PRKAG2: variants seen among roughly 807,000 people sequenced by gnomAD.
PRKAG2 encodes 5'-AMP-activated protein kinase subunit gamma-2.
Under a neutral mutation model 69.6 loss-of-function variants are expected in PRKAG2, and 26 were observed. The ratio of observed to expected loss-of-function variants is 0.37; its 90% confidence interval spans 0.27 to 0.52. The LOEUF is 0.52. PRKAG2 is among the 20% of genes least tolerant of loss of function. The pLI is 0.90. For missense variants in PRKAG2, 557 were observed against 740.0 expected, an observed-to-expected ratio of 0.75 and a Z score of 2.87; for synonymous variants, 293 against 285.0, an observed-to-expected ratio of 1.03 and a Z score of -0.28.
At chr7:151,848,226 G>A (rs1042225353) in intron 1 of PRKAG2, among the ~76,000 whole-genome samples, 3 of 152,178 alleles carry the variant, frequency 2.0e-5, no homozygotes, top group South Asian at 2.1e-4. Flanking sequence ...GGGCTTGGGG[G>A]TGGTTAGGTC....
intron 3 of PRKAG2, among the ~76,000 whole-genome samples, chr7:151,737,475 GA>G (rs1404770196): frequency 6.6e-5 from 10 of 152,284 alleles, no homozygotes; most frequent in African/African-American, 2.4e-4. Flanking sequence ...CCGAGCTAAA[GA>G]TTAGTAGCCT....
chr7:151,830,796 G>T (rs1041853428), intron 1 of PRKAG2, among the ~76,000 whole-genome samples: 3 of 146,210 alleles, frequency 2.1e-5, no homozygotes, highest in Admixed American at 6.8e-5. Flanking sequence ...GCGGGGGGGG[G>T]TTGTGATGAG....
At chr7:151,855,061 A>ACCC (rs2079685249) in intron 1 of PRKAG2, among the ~76,000 whole-genome samples, 3 of 37,262 alleles carry the variant, frequency 8.1e-5, no homozygotes, top group African/African-American at 2.0e-4. Flanking sequence ...CACACACACC[A>ACCC]TCCTCCACAC....
Position 151,732,719 on chromosome 7 carries a change from TCTCA to T in PRKAG2, c.466+48429_466+48432del, listed in dbSNP as rs577752073. Among the ~76,000 whole-genome samples, 4 of 151,728 alleles carry T rather than the reference TCTCA, an allele frequency of 2.6e-5. 1 individual carries two copies. The South Asian group carries it at 8.4e-4, about 32-fold the overall frequency. On this transcript the variant is annotated intron_variant, in intron 3 of 15. Coordinates refer to ENST00000287878, the MANE Select transcript of PRKAG2 (RefSeq NM_016203.4). The stretch of plus-strand genomic sequence containing the variant: ...AGAGTGGTTTTTCTTTGAGACGGAG[TCTCA>T]CTGTTGTCACCCAGGCTAGAGTGCA...
intron 1 of PRKAG2, among the ~76,000 whole-genome samples, chr7:151,830,787 CG>C (rs58030412): frequency 0.34 from 38,412 of 114,496 alleles, 5,791 homozygotes; most frequent in South Asian, 0.34. Flanking sequence ...GGGGGCGGGG[CG>C]GGGGGGGGTT....
intron 1 of PRKAG2, among the ~76,000 whole-genome samples, chr7:151,832,165 C>T (rs1439514252): frequency 4.0e-5 from 6 of 150,314 alleles, no homozygotes; most frequent in African/African-American, 1.2e-4. Flanking sequence ...AATTGAATTT[C>T]CCCCCAACCC....
chr7:151,608,969 C>T (rs1818153703), intron 5 of PRKAG2, among the ~76,000 whole-genome samples: 1 of 152,066 alleles, frequency 6.6e-6, no homozygotes, highest in Admixed American at 6.6e-5. Context: ...TCAAGGGATT[C>T]TCCCACCTCA....
At chr7:151,834,539 G>A (rs1452044048) in intron 1 of PRKAG2, among the ~76,000 whole-genome samples, 1 of 152,186 alleles carries the variant, frequency 6.6e-6, no homozygotes, top group Non-Finnish European at 1.5e-5. Flanking sequence ...TGTTTGCACC[G>A]CACAGCGCAC....
Position 151,557,093 on chromosome 7 carries a change from AAACCCTGATATACATTCTT to A in PRKAG2, c.*89_*107del. Reference sequence around the variant, plus strand: ...ATCACTGGAAGAAATACCTATTGTTAAACCCTGATATACATTCTTAACCACTTGCAGCCAGTGTTCATGA... The same window carrying A: ...ATCACTGGAAGAAATACCTATTGTTAAACCACTTGCAGCCAGTGTTCATGA... On this transcript the variant is annotated 3_prime_UTR_variant, in exon 16 of 16. Transcript: ENST00000287878. 6.5e-7 allele frequency: 1 copy of A among 1,539,470 alleles called. No individual in the cohort carries two copies. The highest frequency in any genetic ancestry group is 9.0e-7 in the Non-Finnish European group (1 of 1,113,410).
chr7:151,621,045 T>C (rs1447660724), intron 5 of PRKAG2, among the ~76,000 whole-genome samples: 4 of 152,236 alleles, frequency 2.6e-5, no homozygotes, highest in Admixed American at 2.0e-4. Context: ...AGAAGAATAC[T>C]TGCATTTCTA....
Position 151,781,072 on chromosome 7 carries a change from G to A in PRKAG2, c.466+80C>T. 6.3e-7 allele frequency: 1 copy of A among 1,582,514 alleles called. No homozygotes were observed. On this transcript the variant is annotated intron_variant, in intron 3 of 15. Transcript: ENST00000287878. This position sits in a 1 kb window ranked among gnomAD's most constrained non-coding sequence, Gnocchi z 6.1. ...TGCTCACAGCCACCTGGCAGCTTCGGTGCCACCGTGGATGTGTGGCTGCAG... is the reference window on the plus strand; with the variant it reads ...TGCTCACAGCCACCTGGCAGCTTCGATGCCACCGTGGATGTGTGGCTGCAG...
At chr7:151,563,016 G>A (rs546992922) in intron 14 of PRKAG2, among the ~76,000 whole-genome samples, 11 of 152,156 alleles carry the variant, frequency 7.2e-5, no homozygotes, top group Admixed American at 2.0e-4. Flanking sequence ...GAAGGCTAAG[G>A]GAAACCATCT....
chr7:151,851,226 C>A (rs1037265135), intron 1 of PRKAG2, among the ~76,000 whole-genome samples: 2 of 152,050 alleles, frequency 1.3e-5, no homozygotes, highest in African/African-American at 4.8e-5. Context: ...CTGGGAGAGG[C>A]CAAAACCACA....
At chr7:151,795,142 T>C (rs1001430300) in intron 1 of PRKAG2, among the ~76,000 whole-genome samples, 16 of 152,334 alleles carry the variant, frequency 1.1e-4, no homozygotes, top group African/African-American at 2.9e-4. Flanking sequence ...TCTTCCAGCC[T>C]GTCTGAGATC....
At chr7:151,862,463 C>A (rs1052621160) in intron 1 of PRKAG2, among the ~76,000 whole-genome samples, 1 of 152,192 alleles carries the variant, frequency 6.6e-6, no homozygotes, top group African/African-American at 2.4e-5. Flanking sequence ...GTTAACTAAG[C>A]ATTTCCATTC....
At chr7:151,639,207 C>T (rs1252156143) in intron 4 of PRKAG2, among the ~76,000 whole-genome samples, 2 of 152,148 alleles carry the variant, frequency 1.3e-5, no homozygotes, top group Non-Finnish European at 2.9e-5. Context: ...TGGGTCTTGC[C>T]GTCTTGGTTT....
intron 4 of PRKAG2, among the ~76,000 whole-genome samples, chr7:151,652,481 T>A (rs543753274): frequency 4.6e-4 from 70 of 152,338 alleles, no homozygotes; most frequent in African/African-American, 1.6e-3. Context: ...AAATTAATAT[T>A]TAAAAAGTTT....
chr7:151,742,036 T>G (rs1412412181), intron 3 of PRKAG2, among the ~76,000 whole-genome samples: 1 of 152,244 alleles, frequency 6.6e-6, no homozygotes, highest in African/African-American at 2.4e-5. Flanking sequence ...TAATTAACAT[T>G]TCATTGAAAT....
intron 1 of PRKAG2, among the ~76,000 whole-genome samples, chr7:151,848,365 C>T (rs1472599597): frequency 6.6e-6 from 1 of 152,084 alleles, no homozygotes; most frequent in East Asian, 1.9e-4. Flanking sequence ...AGACCAGGCC[C>T]TCACCCAACA....
Sources: gnomAD v4.1 joint callset for allele counts (sites outside exome capture counted in the v4.1 genomes callset) on GRCh38, gnomAD v4.1.1 for gene constraint, Gnocchi (gnomAD v3.1) non-coding constraint, MANE v1.5 for transcripts, NCBI Gene and HGNC (gene_info 2026-07-23, HGNC 2026-07-21) for gene names.